The following TAF1B variants were observed in gnomAD, a reference collection of about 807,000 sequenced individuals.
TAF1B encodes TATA box-binding protein-associated factor RNA polymerase I subunit B.
A neutral mutation model predicts 83.9 loss-of-function variants in TAF1B; 61 were observed. That is an observed-to-expected ratio of 0.73 (90% CI 0.59 to 0.90). The LOEUF is 0.90. Ranked by LOEUF, TAF1B falls within the 40% of genes least tolerant of loss-of-function variation. The probability of loss-of-function intolerance (pLI) is 0.00; values close to 1 mark genes in which losing one functional copy is unlikely to be tolerated. For synonymous variants in TAF1B, 221 were observed against 224.6 expected (o/e 0.98, Z 0.14); for missense variants, 625 against 677.0 (o/e 0.92, Z 0.85).
At chr2:9,870,918 T>G (rs915100458) in intron 6 of TAF1B, among the ~76,000 whole-genome samples, 1 of 152,376 alleles carries the variant, frequency 6.6e-6, no homozygotes, top group South Asian at 2.1e-4. Flanking sequence ...AATTTATTAC[T>G]AATGTATCTC....
intron 6 of TAF1B, among the ~76,000 whole-genome samples, chr2:9,873,062 C>T (rs1325428354): frequency 6.6e-6 from 1 of 152,170 alleles, no homozygotes; most frequent in Non-Finnish European, 1.5e-5. Context: ...CCACAGCATT[C>T]CTTGACCCGA....
At chr2:9,846,804 A>T (rs574172329) in intron 2 of TAF1B, among the ~76,000 whole-genome samples, 1 of 152,252 alleles carries the variant, frequency 6.6e-6, no homozygotes, top group South Asian at 2.1e-4. Flanking sequence ...GATATTTATT[A>T]TCTTGATTAT....
At chr2:9,864,901 A>G (rs1029213391) in intron 5 of TAF1B, among the ~76,000 whole-genome samples, 6 of 152,260 alleles carry the variant, frequency 3.9e-5, no homozygotes, top group African/African-American at 1.4e-4. Flanking sequence ...GCTTCATGTT[A>G]AAAACTCTCA....
chr2:9,861,760 C>T (rs555115505), intron 5 of TAF1B, among the ~76,000 whole-genome samples: 31 of 152,290 alleles, frequency 2.0e-4, no homozygotes, highest in African/African-American at 5.8e-4. Flanking sequence ...TCCAGAGGAA[C>T]GATCAGGCAG....
intron 6 of TAF1B, among the ~76,000 whole-genome samples, chr2:9,872,676 C>T (rs1039596783): frequency 2.6e-5 from 4 of 152,226 alleles, no homozygotes; most frequent in Admixed American, 1.3e-4. Flanking sequence ...CAGAGGCTAA[C>T]GTGTTTTCAA....
rs57261740 is a variant in TAF1B at position 9,908,028 on chromosome 2, C to CTTTTTTTTTT, written c.956-2682_956-2673dup. ...AGCGGAGCAGTTCAAGATCTTAATT[C>CTTTTTTTTTT]TTTTTTTTTTTTTTTTTTTTTTTTT... On this transcript the variant is annotated intron_variant, in intron 9 of 14. Coordinates refer to ENST00000263663, the MANE Select transcript of TAF1B (RefSeq NM_005680.3). 4.2e-4 allele frequency among the ~76,000 whole-genome samples: 30 copies of CTTTTTTTTTT among 71,766 alleles called. 7 individuals are homozygous for CTTTTTTTTTT. Among genetic ancestry groups the CTTTTTTTTTT allele is most frequent in the African/African-American group, 1.4e-3 (18 of 12,708 alleles). 47.1% of individuals were successfully genotyped at this position (71,766 alleles called of 152,430 possible).
In TAF1B at chr2:9,911,535, G is replaced by T; in HGVS notation, c.1158G>T (p.Lys386Asn). The change falls in exon 11 of 15, where the codon AAG (lysine) becomes AAT (asparagine). Residue 386 changes from lysine to asparagine, a missense_variant. Coordinates refer to ENST00000263663, the MANE Select transcript of TAF1B (RefSeq NM_005680.3). ...GGTCTTTGTCTAATCTTGCTGAAAAGCATAATGAAAAGAACAAAAAAGGTA... is the reference window on the plus strand; with the variant it reads ...GGTCTTTGTCTAATCTTGCTGAAAATCATAATGAAAAGAACAAAAAAGGTA... Reference protein sequence around the residue: ...FEWSLSNLAEKHNEKNKKDKP... With the variant: ...FEWSLSNLAENHNEKNKKDKP... 6.6e-7 allele frequency: 1 copy of T among 1,518,834 alleles called. No individual in the cohort carries two copies. Among genetic ancestry groups the T allele is most frequent in the Admixed American group, 2.3e-5 (1 of 44,232 alleles). 94.1% of individuals were successfully genotyped at this position (1,518,834 alleles called of 1,614,324 possible).
At chr2:9,852,729 C>A (rs929014806) in intron 4 of TAF1B, among the ~76,000 whole-genome samples, 1 of 152,150 alleles carries the variant, frequency 6.6e-6, no homozygotes. Context: ...TGAGCTCAGG[C>A]AATCTGCCCA....
At chr2:9,902,435 C>A (rs1335320309) in intron 8 of TAF1B, among the ~76,000 whole-genome samples, 1 of 152,138 alleles carries the variant, frequency 6.6e-6, no homozygotes, top group Non-Finnish European at 1.5e-5. Flanking sequence ...GTAATCAAAT[C>A]CTGACTTCTA....
intron 5 of TAF1B, among the ~76,000 whole-genome samples, chr2:9,867,470 C>A (rs559059277): frequency 6.6e-6 from 1 of 152,294 alleles, no homozygotes; most frequent in South Asian, 2.1e-4. Flanking sequence ...ACTTCATTCT[C>A]TGAGGTTTTT....
intron 6 of TAF1B, among the ~76,000 whole-genome samples, chr2:9,873,904 T>C (rs925741454): frequency 2.6e-5 from 4 of 152,070 alleles, no homozygotes; most frequent in Admixed American, 1.3e-4. Flanking sequence ...ACTCCATTCT[T>C]CCCTCAGCAG....
At chr2:9,845,074 G>A in intron 1 of TAF1B, 146 bp from the exon 2 acceptor site, 1 of 489,658 alleles carries the variant, frequency 2.0e-6, no homozygotes, top group Non-Finnish European at 3.6e-6. Flanking sequence ...CTTGTTTGCG[G>A]ATAATCTCTC....
At chr2:9,930,779 C>T (rs1446959117) in intron 14 of TAF1B, among the ~76,000 whole-genome samples, 1 of 152,216 alleles carries the variant, frequency 6.6e-6, no homozygotes, top group African/African-American at 2.4e-5. Context: ...TGTTAAAAGT[C>T]TCCCATTATT....
At chr2:9,866,184 T>C (rs1192222193) in intron 5 of TAF1B, among the ~76,000 whole-genome samples, 2 of 150,968 alleles carry the variant, frequency 1.3e-5, no homozygotes, top group African/African-American at 4.9e-5. Context: ...TGCAACCTAC[T>C]CATCTGACAA....
chr2:9,873,815 A>G (rs954354507), intron 6 of TAF1B, among the ~76,000 whole-genome samples: 1 of 151,866 alleles, frequency 6.6e-6, no homozygotes, highest in Admixed American at 6.6e-5. Flanking sequence ...ACCAGCTGCA[A>G]TGCTACCGCT....
At chr2:9,896,284 A>T (rs1665014026) in intron 8 of TAF1B, among the ~76,000 whole-genome samples, 1 of 152,146 alleles carries the variant, frequency 6.6e-6, no homozygotes, top group East Asian at 1.9e-4. Context: ...TTTAATTGAC[A>T]GGCAGCTTTT....
chr2:9,924,950 A>AT (rs1277103267), intron 14 of TAF1B, among the ~76,000 whole-genome samples: 17 of 152,138 alleles, frequency 1.1e-4, no homozygotes, highest in Admixed American at 2.0e-4. Flanking sequence ...TCCAATTGTT[A>AT]TAACAGTTGG....
chr2:9,919,231 G>T, intron 13 of TAF1B, 120 bp downstream of exon 13: 1 of 773,648 alleles, frequency 1.3e-6, no homozygotes. Context: ...ATGTTCCAGG[G>T]CACATGTACA....
intron 14 of TAF1B, among the ~76,000 whole-genome samples, chr2:9,921,235 G>A (rs751179436): frequency 5.9e-5 from 9 of 152,184 alleles, no homozygotes; most frequent in South Asian, 2.1e-4. Context: ...GGAACTACAC[G>A]TGTGCACCAC....
Sources: gnomAD v4.1 joint callset for allele counts (sites outside exome capture counted in the v4.1 genomes callset) on GRCh38, gnomAD v4.1.1 for gene constraint, MANE v1.5 for transcripts, NCBI Gene and HGNC (gene_info 2026-07-23, HGNC 2026-07-21) for gene names.